Variants in LRRK2 observed in about 807,000 individuals in gnomAD.
The protein encoded by LRRK2 is leucine-rich repeat serine/threonine-protein kinase 2.
A neutral mutation model predicts 302.6 loss-of-function variants in LRRK2; 203 were observed. That is an observed-to-expected ratio of 0.67 (90% confidence interval 0.60 to 0.75). The LOEUF is 0.75. LRRK2 is among the 30% of genes least tolerant of loss of function. LRRK2 has a pLI of 0.00. For synonymous variants in LRRK2, 1,066 were observed against 1,031.9 expected (o/e 1.03, Z -0.63); for missense variants, 2,830 against 2,951.0 (o/e 0.96, Z 0.95).
Position 40,294,723 on chromosome 12 carries a change from C to G in LRRK2, c.2809-122C>G, listed in dbSNP as rs1343749265. ...AATTGGGTTCTTAGTTTTTACTTGCCTATTTTTTCCCATAATTATAAATAC... is the reference window on the plus strand; with the variant it reads ...AATTGGGTTCTTAGTTTTTACTTGCGTATTTTTTCCCATAATTATAAATAC... On this transcript the variant is annotated intron_variant, in intron 21 of 50. Coordinates refer to ENST00000298910, the MANE Select transcript of LRRK2 (RefSeq NM_198578.4). 3 of 563,732 alleles carry G rather than the reference C, an allele frequency of 5.3e-6. No homozygotes were observed. In the African/African-American group the frequency reaches 5.7e-5, roughly 11 times the overall value. 34.9% of individuals were successfully genotyped at this position (563,732 alleles called of 1,614,324 possible).
chr12:40,264,630 C>T (rs1010558867), intron 14 of LRRK2, among the ~76,000 whole-genome samples: 1 of 152,150 alleles, frequency 6.6e-6, no homozygotes, highest in South Asian at 2.1e-4. Context: ...AAAACAAAAA[C>T]AAAAACAGAC....
At chr12:40,292,288 C>T (rs1233029107) in intron 20 of LRRK2, among the ~76,000 whole-genome samples, 1 of 151,976 alleles carries the variant, frequency 6.6e-6, no homozygotes, top group Non-Finnish European at 1.5e-5. Context: ...TGCCCAGTGT[C>T]TGTATCCAGT....
chr12:40,333,202 TA>T (rs60939227), intron 39 of LRRK2, among the ~76,000 whole-genome samples: 1 of 151,838 alleles, frequency 6.6e-6, no homozygotes, highest in African/African-American at 2.4e-5. Context: ...ACATGGGCAT[TA>T]AAAAAAAGAT....
intron 14 of LRRK2, 58 bp from the exon 15 acceptor site, chr12:40,274,525 T>G (rs896715352): frequency 1.0e-5 from 16 of 1,579,390 alleles, no homozygotes; most frequent in Middle Eastern, 2.1e-4. Flanking sequence ...ATAACTGGTC[T>G]TAACTAAGGT....
Position 40,336,244 on chromosome 12 carries a change from G to A in LRRK2, c.5948+1087G>A, listed in dbSNP as rs536105373. ...ACTCAGGAATGTCTGACTCCCAGAT[G>A]TGCTCTCTACTTATTATAAAGGATT... On this transcript the variant is annotated intron_variant, in intron 40 of 50. Coordinates refer to ENST00000298910, the MANE Select transcript of LRRK2 (RefSeq NM_198578.4). Among the ~76,000 whole-genome samples, 9 of 152,230 alleles carry A rather than the reference G, an allele frequency of 5.9e-5. No homozygotes were observed. In the South Asian group the frequency reaches 1.7e-3, roughly 28 times the overall value.
At chr12:40,329,635 A>T (rs1021575530) in intron 39 of LRRK2, among the ~76,000 whole-genome samples, 1 of 152,184 alleles carries the variant, frequency 6.6e-6, no homozygotes, top group Admixed American at 6.5e-5. Flanking sequence ...GAATAGTAAC[A>T]TTCCAAATAT....
chr12:40,241,687 A>G (rs1327897647), intron 6 of LRRK2, among the ~76,000 whole-genome samples: 4 of 152,174 alleles, frequency 2.6e-5, no homozygotes, highest in Non-Finnish European at 5.9e-5. Flanking sequence ...GACAATATGT[A>G]TTTTATATGT....
chr12:40,256,320 A>G (rs898079923), intron 11 of LRRK2, among the ~76,000 whole-genome samples: 1 of 152,052 alleles, frequency 6.6e-6, no homozygotes, highest in East Asian at 1.9e-4. Context: ...ATGGTGGCAC[A>G]CTTGTAGTCC....
intron 28 of LRRK2, among the ~76,000 whole-genome samples, chr12:40,307,781 C>CTTTTTTTTTTTTTTTT (rs201473630): frequency 1.7e-4 from 20 of 119,360 alleles, no homozygotes; most frequent in Non-Finnish European, 2.2e-4. Context: ...CTTTTCTTTT[C>CTTTTTTTTTTTTTTTT]TTTTTTTTTT....
chr12:40,227,418 A>G (rs1940952963), intron 2 of LRRK2, among the ~76,000 whole-genome samples: 1 of 152,206 alleles, frequency 6.6e-6, no homozygotes, highest in Non-Finnish European at 1.5e-5. Context: ...GTATCTAATT[A>G]TATTTTTGTA....
intron 7 of LRRK2, among the ~76,000 whole-genome samples, chr12:40,247,735 A>T (rs1942072425): frequency 2.5e-5 from 1 of 40,574 alleles, no homozygotes; most frequent in African/African-American, 5.7e-5. Flanking sequence ...TACAAATATA[A>T]ATATATACAT....
chr12:40,230,059 A>G (rs1941105825), intron 2 of LRRK2, among the ~76,000 whole-genome samples: 1 of 151,526 alleles, frequency 6.6e-6, no homozygotes, highest in Admixed American at 6.6e-5. Context: ...ATGAAAGCAC[A>G]AAAATAGTCA....
chr12:40,354,307 T>C lies in LRRK2; in HGVS notation c.6585T>C (p.Ala2195=), dbSNP rs1377388315. 2 of 1,613,896 alleles carry C rather than the reference T, an allele frequency of 1.2e-6. No homozygotes were observed. Among genetic ancestry groups the C allele is most frequent in the Non-Finnish European group, 1.7e-6 (2 of 1,179,916 alleles). The change falls in exon 45 of 51, where the codon GCT becomes GCC. Residue 2195 remains alanine (A), a synonymous_variant. Transcript: ENST00000298910. ...TTTTCTTTTCTTAACAGGAAGTTGCTGATAGTAGAATATTGTGCTTAGCCT... is the reference window on the plus strand; with the variant it reads ...TTTTCTTTTCTTAACAGGAAGTTGCCGATAGTAGAATATTGTGCTTAGCCT... ...NTEGYTSEEV[A]DSRILCLALV...
At chr12:40,245,519 G>A (rs1437660765) in intron 7 of LRRK2, among the ~76,000 whole-genome samples, 3 of 151,982 alleles carry the variant, frequency 2.0e-5, no homozygotes, top group Non-Finnish European at 4.4e-5. Context: ...GGCACAGCTT[G>A]CCTTTTTTCT....
intron 43 of LRRK2, 64 bp downstream of exon 43, chr12:40,348,573 A>T: frequency 1.0e-6 from 1 of 967,494 alleles, no homozygotes; most frequent in Non-Finnish European, 1.6e-6. Context: ...ATATATATAT[A>T]ATCTTCAAAT....
intron 12 of LRRK2, among the ~76,000 whole-genome samples, 179 bp downstream of exon 12, chr12:40,257,556 C>G (rs1006094152): frequency 6.6e-6 from 1 of 152,112 alleles, no homozygotes; most frequent in Admixed American, 6.6e-5. Flanking sequence ...TATCTGAACA[C>G]TGAAAGGAAT....
intron 48 of LRRK2, 23 bp from the exon 49 acceptor site, chr12:40,364,819 T>A (rs772009500): frequency 6.5e-7 from 1 of 1,538,472 alleles, no homozygotes; most frequent in South Asian, 1.1e-5. Context: ...GTAAAATTAT[T>A]AATGTATACT....
At chr12:40,287,584 C>A (rs751015226) in intron 20 of LRRK2, 45 bp downstream of exon 20, 2 of 1,579,102 alleles carry the variant, frequency 1.3e-6, no homozygotes, top group East Asian at 4.5e-5. Flanking sequence ...TATTTACACA[C>A]TGACATTGAA....
intron 38 of LRRK2, among the ~76,000 whole-genome samples, chr12:40,326,987 T>A (rs1017107207): frequency 6.6e-6 from 1 of 152,188 alleles, no homozygotes; most frequent in African/African-American, 2.4e-5. Flanking sequence ...AAAAAATAAA[T>A]AGGTAGAGGC....
Sources: allele counts gnomAD v4.1 joint callset (sites outside exome capture counted in the v4.1 genomes callset), GRCh38; gene constraint gnomAD v4.1.1; transcripts MANE v1.5; gene names NCBI Gene and HGNC (gene_info 2026-07-23, HGNC 2026-07-21).